Variants in KALRN observed in about 807,000 individuals in gnomAD.
The protein encoded by KALRN is kalirin RhoGEF kinase.
Under a neutral mutation model 353.7 loss-of-function variants are expected in KALRN, and 70 were observed. That is an observed-to-expected ratio of 0.20 (90% CI 0.16 to 0.24). The LOEUF (loss-of-function observed/expected upper bound fraction) is 0.24, where lower values mean the gene tolerates loss of function less well. Among genes scored for constraint, KALRN ranks in the 10% least tolerant of loss-of-function variants. The probability of loss-of-function intolerance (pLI) is 1.00; values close to 1 mark genes in which losing one functional copy is unlikely to be tolerated. For missense variants in KALRN, 2,791 were observed against 3,756.7 expected (o/e 0.74, Z 6.72); for synonymous variants, 1,391 against 1,434.8 (o/e 0.97, Z 0.69).
intron 53 of KALRN, among the ~76,000 whole-genome samples, chr3:124,695,313 G>T (rs1353036678): frequency 6.6e-6 from 1 of 152,220 alleles, no homozygotes; most frequent in Non-Finnish European, 1.5e-5. Flanking sequence ...AGCCCTAGAT[G>T]CTTGAGAAAC....
intron 43 of KALRN, among the ~76,000 whole-genome samples, chr3:124,660,640 C>G (rs112168151): frequency 6.2e-5 from 9 of 144,430 alleles, no homozygotes; most frequent in African/African-American, 2.4e-4. Context: ...AAAATTGCAC[C>G]ACTGCACTCC....
At chr3:124,384,569 G>T in intron 10 of KALRN, 1 of 315,264 alleles carries the variant, frequency 3.2e-6, no homozygotes, top group Non-Finnish European at 5.8e-6. Context: ...AGCAGCTGGG[G>T]TATGGAGGTT....
intron 33 of KALRN, among the ~76,000 whole-genome samples, chr3:124,538,270 G>C (rs984126342): frequency 2.0e-5 from 3 of 151,860 alleles, no homozygotes; most frequent in African/African-American, 7.3e-5. Context: ...TTGTGTGTGT[G>C]TGTGTGTATG....
intron 5 of KALRN, among the ~76,000 whole-genome samples, chr3:124,282,919 A>G (rs1042908797): frequency 5.3e-5 from 8 of 152,154 alleles, no homozygotes; most frequent in African/African-American, 1.7e-4. Flanking sequence ...TGCTGCTGGA[A>G]GAGGGGAGAA....
intron 1 of KALRN, among the ~76,000 whole-genome samples, chr3:124,124,884 T>C (rs1324596476): frequency 1.3e-5 from 2 of 152,256 alleles, no homozygotes; most frequent in South Asian, 2.1e-4. Context: ...TAACTTTATA[T>C]GTACTCGGAA....
intron 10 of KALRN, among the ~76,000 whole-genome samples, chr3:124,373,110 C>A (rs2086091850): frequency 6.6e-6 from 1 of 152,150 alleles, no homozygotes; most frequent in Admixed American, 6.5e-5. Context: ...ACCTCCTCCC[C>A]CTGTCCTGTG....
At chr3:124,526,766 G>A (rs1443150752) in intron 33 of KALRN, among the ~76,000 whole-genome samples, 1 of 152,096 alleles carries the variant, frequency 6.6e-6, no homozygotes, top group Non-Finnish European at 1.5e-5. Flanking sequence ...TCCACTATCA[G>A]AGACTATAGA....
At chr3:124,255,094 T>G (rs1178914202) in intron 3 of KALRN, among the ~76,000 whole-genome samples, 3 of 152,098 alleles carry the variant, frequency 2.0e-5, no homozygotes, top group Non-Finnish European at 4.4e-5. Context: ...TACAGTCTCC[T>G]GCCACCACAC....
intron 49 of KALRN, chr3:124,675,405 C>T (rs976443636): frequency 6.6e-5 from 10 of 151,972 alleles, no homozygotes; most frequent in Admixed American, 1.3e-4. Context: ...AATAAATTTT[C>T]ACCATGAGCA....
At chr3:124,656,232 TG>T (rs2084003917) in intron 39 of KALRN, among the ~76,000 whole-genome samples, 1 of 149,660 alleles carries the variant, frequency 6.7e-6, no homozygotes, top group Non-Finnish European at 1.5e-5. Flanking sequence ...GACACTTGGA[TG>T]AAAAAAAAAA....
chr3:124,405,382 A>G (rs1194126901), intron 13 of KALRN, among the ~76,000 whole-genome samples: 1 of 152,188 alleles, frequency 6.6e-6, no homozygotes, highest in Non-Finnish European at 1.5e-5. Context: ...TCTGGTAAGG[A>G]TGCAGTAGAA....
intron 1 of KALRN, among the ~76,000 whole-genome samples, chr3:124,075,953 A>G (rs926547647): frequency 6.6e-6 from 1 of 152,202 alleles, no homozygotes. Context: ...GGACGGCCCA[A>G]GGTCGCCAGC....
At chr3:124,362,226 CA>C (rs768050073) in intron 10 of KALRN, among the ~76,000 whole-genome samples, 7 of 152,218 alleles carry the variant, frequency 4.6e-5, no homozygotes, top group Non-Finnish European at 1.0e-4. Flanking sequence ...CCAACAAGAG[CA>C]ACCCACCAGG....
intron 34 of KALRN, among the ~76,000 whole-genome samples, chr3:124,583,857 A>G (rs1362298271): frequency 6.6e-6 from 1 of 152,154 alleles, no homozygotes; most frequent in Non-Finnish European, 1.5e-5. Flanking sequence ...ACATCCATAG[A>G]TATTTTTAAA....
intron 37 of KALRN, among the ~76,000 whole-genome samples, chr3:124,640,128 A>G (rs2081871526): frequency 6.6e-6 from 1 of 152,188 alleles, no homozygotes; most frequent in Non-Finnish European, 1.5e-5. Context: ...TTATTTGACT[A>G]AGTACAACTG....
intron 3 of KALRN, among the ~76,000 whole-genome samples, chr3:124,244,120 T>C (rs974075366): frequency 1.3e-5 from 2 of 152,226 alleles, no homozygotes; most frequent in African/African-American, 4.8e-5. Flanking sequence ...GAAAGATATT[T>C]CTTTTACTGG....
chr3:124,506,244 A>G (rs484936), intron 33 of KALRN, among the ~76,000 whole-genome samples: 69,122 of 151,930 alleles, frequency 0.45, 16,788 homozygotes, highest in East Asian at 0.63. Context: ...AGAACTGTAT[A>G]GATCAGACCA....
In KALRN at chr3:124,051,359, G is replaced by A. The variant is rs2041025313; in HGVS notation, c.73+17546G>A. ...TGGTTGAGCTAGGGGCCTTTAGTGG[G>A]TCTGGTTTCTCCTTACTTTGCTAGG... On this transcript the variant is annotated intron_variant, in intron 1 of 59. Transcript: ENST00000682506. Among the ~76,000 whole-genome samples the A allele has an allele frequency of 2.6e-5, 4 of 152,150 alleles. No individual in the cohort carries two copies. In the South Asian group the frequency reaches 6.2e-4, roughly 24 times the overall value.
intron 25 of KALRN, among the ~76,000 whole-genome samples, chr3:124,469,926 G>C (rs2060721511): frequency 6.6e-6 from 1 of 152,182 alleles, no homozygotes. Context: ...TTCATCTTCA[G>C]AGAGAATAAC....
Sources: allele counts gnomAD v4.1 joint callset (sites outside exome capture counted in the v4.1 genomes callset), GRCh38; gene constraint gnomAD v4.1.1; transcripts MANE v1.5; gene names NCBI Gene and HGNC (gene_info 2026-07-23, HGNC 2026-07-21).